PLEKHG4B: variants seen among roughly 807,000 people sequenced by gnomAD.
The protein encoded by PLEKHG4B is pleckstrin homology domain-containing family G member 4B.
PLEKHG4B carries 111 observed loss-of-function variants against 121.3 expected under a neutral mutation model. The observed-to-expected ratio is 0.92, with a 90% CI of 0.78 to 1.07. The LOEUF is 1.07. PLEKHG4B is among the 50% of genes least tolerant of loss of function. PLEKHG4B has a pLI of 0.00. For synonymous variants in PLEKHG4B, 738 were observed against 725.0 expected (o/e 1.02, Z -0.29); for missense variants, 1,831 against 1,757.8 (o/e 1.04, Z -0.74).
Position 134,052 on chromosome 5 carries a change from T to A in PLEKHG4B, c.244-5431T>A, listed in dbSNP as rs1454889037. ...AATATATATAGATAGAATATATATATGATAGAATATATATATATGATAGAA... is the reference window on the plus strand; with the variant it reads ...AATATATATAGATAGAATATATATAAGATAGAATATATATATATGATAGAA... On this transcript the variant is annotated intron_variant, in intron 2 of 19. Transcript: ENST00000637938. Among the ~76,000 whole-genome samples, 4 of 127,022 alleles carry A rather than the reference T, an allele frequency of 3.1e-5. No individual in the cohort carries two copies. In the South Asian group the frequency reaches 7.5e-4, roughly 24 times the overall value. 83.3% of individuals were successfully genotyped at this position (127,022 alleles called of 152,430 possible).
chr5:169,306 G>A (rs772650101), intron 13 of PLEKHG4B, 34 bp from the exon 14 acceptor site: 3 of 1,610,970 alleles, frequency 1.9e-6, no homozygotes, highest in South Asian at 1.1e-5. Context: ...TCCGTGGGGG[G>A]CCGTGTGCCC....
chr5:96,930 G>A (rs1400254556), intron 1 of PLEKHG4B, among the ~76,000 whole-genome samples: 1 of 152,206 alleles, frequency 6.6e-6, no homozygotes, highest in South Asian at 2.1e-4. Context: ...TTAGCAAAGT[G>A]AAATTTACAT....
chr5:151,825 T>G (rs1464394878), intron 7 of PLEKHG4B, among the ~76,000 whole-genome samples: 1 of 152,256 alleles, frequency 6.6e-6, no homozygotes, highest in Non-Finnish European at 1.5e-5. Context: ...GTTTCTTTCC[T>G]TCTCTTTCTT....
In PLEKHG4B at chr5:163,279, C is replaced by T. The variant is rs1232491279; in HGVS notation, c.3207C>T (p.Ser1069=). 1 of 1,613,132 alleles carries T rather than the reference C, an allele frequency of 6.2e-7. No homozygotes were observed. The highest frequency in any genetic ancestry group is 1.3e-5 in the African/African-American group (1 of 75,066). The change falls in exon 13 of 20, where the codon AGC becomes AGT. Residue 1069 remains serine (S), a synonymous_variant. Transcript: ENST00000637938. ...CTGAGCCCACCCAGACCCTGGCCAG[C>T]CGCCCCAGGAAACATCCCCAGAAGA... ...CSSEPTQTLA[S]RPRKHPQKKM...
At position 162,271 on chromosome 5, in the gene PLEKHG4B, A is replaced by C. The variant is rs62344139; in HGVS notation, c.2649+327A>C. On this transcript the variant is annotated intron_variant, in intron 12 of 19. Coordinates refer to ENST00000637938, the MANE Select transcript of PLEKHG4B (RefSeq NM_052909.5). ...GCAGACTGCTCGCCTGCGAGCTCCC[A>C]CGCGCCCCAGACCGCACGCCTGCGA... Among the ~76,000 whole-genome samples the C allele has an allele frequency of 4.6e-3, 328 of 71,318 alleles. 1 individual carries two copies. Among genetic ancestry groups the C allele is most frequent in the South Asian group, 0.014 (25 of 1,848 alleles). The allele number at this position is 71,318 out of a possible 152,430, so 46.8% of individuals were successfully genotyped here.
At chr5:127,825 A>G (rs568299036) in intron 2 of PLEKHG4B, among the ~76,000 whole-genome samples, 6 of 152,320 alleles carry the variant, frequency 3.9e-5, no homozygotes, top group South Asian at 4.1e-4. Context: ...TCCTGAGAAC[A>G]TGTGCCTGAG....
intron 1 of PLEKHG4B, among the ~76,000 whole-genome samples, chr5:100,862 GCC>G (rs1733784663): frequency 3.6e-5 from 4 of 110,552 alleles, no homozygotes; most frequent in African/African-American, 1.4e-4. Flanking sequence ...TCCATATAAA[GCC>G]CTGGAAAAAG....
In PLEKHG4B at chr5:186,923, A is replaced by C. The variant is rs1733643691; in HGVS notation, c.*4600A>C. ...CCCCCACCTCAGTACTGGGACCCCC[A>C]GGAAGGGTGTGTGGCCCCACCATCC... On this transcript the variant is annotated 3_prime_UTR_variant, in exon 20 of 20. Coordinates refer to ENST00000637938, the MANE Select transcript of PLEKHG4B (RefSeq NM_052909.5). 1 of 152,422 alleles carries C rather than the reference A, an allele frequency of 6.6e-6. No individual in the cohort carries two copies. Among genetic ancestry groups the C allele is most frequent in the African/African-American group, 2.4e-5 (1 of 41,450 alleles). The allele number at this position is 152,422 out of a possible 1,614,324, so 9.4% of individuals were successfully genotyped here.
Position 140,130 on chromosome 5 carries a change from C to T in PLEKHG4B, c.891C>T (p.Gly297=). 1 of 609,338 alleles carries T rather than the reference C, an allele frequency of 1.6e-6. No homozygotes were observed. The allele number at this position is 609,338 out of a possible 1,614,324, so 37.7% of individuals were successfully genotyped here. ...AAAAGGTCAGCCCCTCAGAGCAGGG[C>T]CCACGGATGCCCCCTGAGAACTGTG... ...DFEKVSPSEQ[G]PRMPPENCGG... Residue 297 remains glycine, a synonymous_variant, in exon 3 of 20, where the codon GGC becomes GGT. Coordinates refer to ENST00000637938, the MANE Select transcript of PLEKHG4B (RefSeq NM_052909.5).
intron 11 of PLEKHG4B, among the ~76,000 whole-genome samples, chr5:160,925 C>T (rs1327897307): frequency 6.6e-6 from 1 of 152,178 alleles, no homozygotes; most frequent in Non-Finnish European, 1.5e-5. Context: ...CTTCTTGACT[C>T]TGGCTCTGTT....
rs571923793 is a variant in PLEKHG4B at position 124,540 on chromosome 5, T to A, written c.243+11092T>A. ...CTGTGTCTGTCTTCAGTTCTGTTAGTTTTTGCTGCATACATTTTGATGGTC... is the reference window on the plus strand; with the variant it reads ...CTGTGTCTGTCTTCAGTTCTGTTAGATTTTGCTGCATACATTTTGATGGTC... On this transcript the variant is annotated intron_variant, in intron 2 of 19. Transcript: ENST00000637938. Among the ~76,000 whole-genome samples the A allele has an allele frequency of 2.0e-5, 3 of 152,346 alleles. No individual in the cohort carries two copies. The East Asian group carries it at 5.8e-4, about 29-fold the overall frequency.
intron 6 of PLEKHG4B, among the ~76,000 whole-genome samples, chr5:147,360 C>T (rs13356404): frequency 0.18 from 27,845 of 152,092 alleles, 3,463 homozygotes; most frequent in African/African-American, 0.35. Flanking sequence ...ATGAGCTGTC[C>T]CTGGTTGGGC....
At chr5:124,384 G>T (rs577781958) in intron 2 of PLEKHG4B, among the ~76,000 whole-genome samples, 1 of 152,336 alleles carries the variant, frequency 6.6e-6, no homozygotes, top group Admixed American at 6.5e-5. Flanking sequence ...GCATATGTCT[G>T]TTAGATGGAG....
chr5:153,190 G>A (rs1255747326), intron 7 of PLEKHG4B, among the ~76,000 whole-genome samples: 2 of 152,126 alleles, frequency 1.3e-5, no homozygotes, highest in Admixed American at 1.3e-4. Context: ...TAAATTGCAA[G>A]CATTTTTCCT....
chr5:154,623 T>C, intron 7 of PLEKHG4B, among the ~76,000 whole-genome samples: 2 of 96,584 alleles, frequency 2.1e-5, no homozygotes, highest in African/African-American at 1.4e-4. Flanking sequence ...CTTCCTCCCT[T>C]TTTTTTTTTT....
rs114460002 is a variant in PLEKHG4B at position 163,337 on chromosome 5, C to A, written c.3265C>A (p.Pro1089Thr). The A allele has an allele frequency of 6.2e-7, 1 of 1,613,358 alleles. No individual in the cohort carries two copies. The highest frequency in any genetic ancestry group is 1.1e-5 in the South Asian group (1 of 91,090). The change falls in exon 13 of 20, where the codon CCT (proline) becomes ACT (threonine). Residue 1089 changes from proline (P) to threonine (T), a missense_variant. Physicochemically the swap from Pro to Thr is conservative, Grantham distance 38. Coordinates refer to ENST00000637938, the MANE Select transcript of PLEKHG4B (RefSeq NM_052909.5). The stretch of plus-strand genomic sequence containing the variant: ...AAAGAAAACGCAAAGTTTCGAGATA[C>A]CTCAGCCCGACAGTGGCCCCAGGGA... ...MIKKTQSFEI[P>T]QPDSGPRDSC...
chr5:143,493 AG>A lies in PLEKHG4B; in HGVS notation c.1802del (p.Ser601ThrfsTer41). ...ELTRLLLYFH[S>X]IPRKEVRDLG... is the part of the protein sequence containing the mutation. Reference sequence around the variant, plus strand: ...GACCCGCCTGCTGCTGTACTTCCATAGCATCCCCAGGTGGGACGGGGGGCAA... The same window carrying A: ...GACCCGCCTGCTGCTGTACTTCCATACATCCCCAGGTGGGACGGGGGGCAA... On this transcript the variant is annotated frameshift_variant, in exon 5 of 20. Coordinates refer to ENST00000637938, the MANE Select transcript of PLEKHG4B (RefSeq NM_052909.5). LOFTEE classifies it high-confidence loss of function. The A allele has an allele frequency of 6.2e-7, 1 of 1,612,742 alleles. No homozygotes were observed. The highest frequency in any genetic ancestry group is 8.5e-7 in the Non-Finnish European group (1 of 1,179,938).
At position 182,072 on chromosome 5, in the gene PLEKHG4B, T is replaced by G; in HGVS notation, c.4633T>G (p.Ser1545Ala). 1 of 1,614,114 alleles carries G rather than the reference T, an allele frequency of 6.2e-7. No homozygotes were observed. The highest frequency in any genetic ancestry group is 8.5e-7 in the Non-Finnish European group (1 of 1,180,008). The change falls in exon 20 of 20, where the codon TCC (serine) becomes GCC (alanine). Residue 1545 changes from serine to alanine, a missense_variant. Transcript: ENST00000637938. ...DHAAPFKRPH[S>A]TISDSSTSSS... is the part of the protein sequence containing the mutation. ...CGCCGCCCCCTTCAAGCGACCACAC[T>G]CCACCATCTCAGACAGCAGCACCTC...
intron 1 of PLEKHG4B, among the ~76,000 whole-genome samples, chr5:110,687 C>T (rs752805147): frequency 2.6e-5 from 4 of 151,554 alleles, no homozygotes; most frequent in Admixed American, 2.0e-4. Flanking sequence ...ACACAATCTG[C>T]AGCACACGTG....
Sources: allele counts gnomAD v4.1 joint callset (sites outside exome capture counted in the v4.1 genomes callset), GRCh38; gene constraint gnomAD v4.1.1; transcripts MANE v1.5; gene names NCBI Gene and HGNC (gene_info 2026-07-23, HGNC 2026-07-21).